RNF150: variants seen among roughly 807,000 people sequenced by gnomAD.
RNF150 encodes the protein ring finger protein 150.
RNF150 carries 24 observed loss-of-function variants against 39.3 expected under a neutral mutation model. The ratio of observed to expected loss-of-function variants is 0.61; its 90% confidence interval spans 0.44 to 0.86. The LOEUF (loss-of-function observed/expected upper bound fraction) is 0.86, where lower values mean the gene tolerates loss of function less well. Among genes scored for constraint, RNF150 ranks in the 40% least tolerant of loss-of-function variants. The pLI is 0.00. For synonymous variants in RNF150, 255 were observed against 227.3 expected (o/e 1.12, Z -1.10); for missense variants, 502 against 587.8 (o/e 0.85, Z 1.51).
chr4:141,194,898 A>G (rs1357129156), intron 1 of RNF150, among the ~76,000 whole-genome samples: 7 of 152,180 alleles, frequency 4.6e-5, no homozygotes, highest in South Asian at 2.1e-4. Flanking sequence ...TAATAGTGGT[A>G]TCTACCTCAT....
chr4:141,107,615 G>T (rs12509440), intron 1 of RNF150, among the ~76,000 whole-genome samples: 16 of 152,118 alleles, frequency 1.1e-4, no homozygotes, highest in East Asian at 3.9e-4. Flanking sequence ...AATGGTGCTC[G>T]GGCAACAAAG....
intron 1 of RNF150, among the ~76,000 whole-genome samples, chr4:140,980,608 C>T (rs984189505): frequency 6.6e-5 from 10 of 151,988 alleles, no homozygotes; most frequent in Non-Finnish European, 1.3e-4. Context: ...TGGGCAGTTT[C>T]CCCCACACTA....
At chr4:141,142,915 G>A (rs2111128157) in intron 1 of RNF150, among the ~76,000 whole-genome samples, 1 of 151,282 alleles carries the variant, frequency 6.6e-6, no homozygotes, top group East Asian at 1.9e-4. Context: ...TGTCACCCAG[G>A]CTGGAGTGCA....
At chr4:141,111,880 T>G (rs1739395162) in intron 1 of RNF150, among the ~76,000 whole-genome samples, 1 of 152,056 alleles carries the variant, frequency 6.6e-6, no homozygotes, top group Non-Finnish European at 1.5e-5. Context: ...AAAATAACAT[T>G]TTTTTGTAAA....
intron 1 of RNF150, among the ~76,000 whole-genome samples, chr4:141,163,366 G>A (rs1377155597): frequency 6.6e-6 from 1 of 152,230 alleles, no homozygotes; most frequent in African/African-American, 2.4e-5. Context: ...AGCAGTGGCT[G>A]TGGGCACAGC....
At chr4:141,117,456 C>T (rs1239655055) in intron 1 of RNF150, among the ~76,000 whole-genome samples, 1 of 151,962 alleles carries the variant, frequency 6.6e-6, no homozygotes, top group Non-Finnish European at 1.5e-5. Flanking sequence ...AGGTGTGTAG[C>T]CTAAAAGAAA....
chr4:141,016,500 T>A (rs916199606), intron 1 of RNF150, among the ~76,000 whole-genome samples: 1 of 152,242 alleles, frequency 6.6e-6, no homozygotes, highest in African/African-American at 2.4e-5. Flanking sequence ...GCACACTGCC[T>A]ATATGGAGTA....
At chr4:140,943,924 T>G (rs1251865239) in intron 4 of RNF150, among the ~76,000 whole-genome samples, 1 of 152,166 alleles carries the variant, frequency 6.6e-6, no homozygotes, top group Non-Finnish European at 1.5e-5. Flanking sequence ...AAATTAGAGA[T>G]AGGAGGAATT....
chr4:140,934,676 G>A (rs1174945788), intron 4 of RNF150, among the ~76,000 whole-genome samples: 1 of 151,940 alleles, frequency 6.6e-6, no homozygotes, highest in Non-Finnish European at 1.5e-5. Context: ...GGGGGTTTCT[G>A]AAGCAGATTT....
At chr4:141,081,154 ACATGT>A (rs773384378) in intron 1 of RNF150, among the ~76,000 whole-genome samples, 6 of 152,170 alleles carry the variant, frequency 3.9e-5, no homozygotes, top group Non-Finnish European at 8.8e-5. Context: ...AGGGCTAAGG[ACATGT>A]CTGCATTGGG....
At chr4:141,183,713 T>C (rs1186114403) in intron 1 of RNF150, among the ~76,000 whole-genome samples, 1 of 152,062 alleles carries the variant, frequency 6.6e-6, no homozygotes, top group Non-Finnish European at 1.5e-5. Flanking sequence ...TGTGTCCATG[T>C]GTTCTCACTA....
intron 1 of RNF150, among the ~76,000 whole-genome samples, chr4:141,104,180 A>C (rs1474159300): frequency 3.3e-5 from 5 of 152,162 alleles, no homozygotes. Context: ...GAGAATGTTC[A>C]GAGGCTGCTG....
At chr4:140,987,000 C>G (rs1734035985) in intron 1 of RNF150, among the ~76,000 whole-genome samples, 1 of 151,906 alleles carries the variant, frequency 6.6e-6, no homozygotes. Context: ...AGAGCCAAAT[C>G]AAGAATGCAA....
intron 4 of RNF150, among the ~76,000 whole-genome samples, chr4:140,937,905 A>G (rs74734547): frequency 0.024 from 3,721 of 152,272 alleles, 49 homozygotes; most frequent in East Asian, 0.058. Context: ...ATCCTATGAA[A>G]ATCTGCTAAT....
intron 4 of RNF150, among the ~76,000 whole-genome samples, chr4:140,946,642 A>G (rs1732324128): frequency 6.6e-6 from 1 of 152,110 alleles, no homozygotes; most frequent in African/African-American, 2.4e-5. Context: ...GAGTGCCACC[A>G]TGTACTGAGC....
intron 5 of RNF150, among the ~76,000 whole-genome samples, chr4:140,917,957 A>G (rs1480990921): frequency 1.3e-5 from 2 of 152,006 alleles, no homozygotes; most frequent in Non-Finnish European, 2.9e-5. Flanking sequence ...TACATAACGA[A>G]ATGAAGGCAG....
intron 1 of RNF150, among the ~76,000 whole-genome samples, chr4:141,194,086 G>A (rs948721967): frequency 2.6e-5 from 4 of 152,060 alleles, no homozygotes; most frequent in Admixed American, 1.3e-4. Flanking sequence ...TATTGTATAC[G>A]ACAAACTATA....
At chr4:140,951,536 TTTG>T (rs1326342635) in intron 2 of RNF150, among the ~76,000 whole-genome samples, 13 of 125,170 alleles carry the variant, frequency 1.0e-4, no homozygotes, top group Admixed American at 5.0e-4. Flanking sequence ...AGAGTGGTTT[TTTG>T]TTGTTGTTGT....
rs567641696 is a variant in RNF150 at position 141,004,338 on chromosome 4, T to C, written c.485-36465A>G. Among the ~76,000 whole-genome samples the C allele has an allele frequency of 3.9e-4, 59 of 151,904 alleles. 2 individuals carry two copies. The South Asian group carries it at 0.011, about 29-fold the overall frequency. ...CAATGTTCTAGAAAGGAGCCTGATG[T>C]AGGGTTAGGAGTCAAGAAAGGCTCT... On this transcript the variant is annotated intron_variant, in intron 1 of 6. Transcript: ENST00000515673.
Sources: gnomAD v4.1 joint callset for allele counts (sites outside exome capture counted in the v4.1 genomes callset) on GRCh38, gnomAD v4.1.1 for gene constraint, MANE v1.5 for transcripts, NCBI Gene and HGNC (gene_info 2026-07-23, HGNC 2026-07-21) for gene names.